COL5A1: variants seen among roughly 807,000 people sequenced by gnomAD.
COL5A1 encodes collagen type V alpha 1 chain, also known as collagen alpha-1(V) chain.
In COL5A1, 16 loss-of-function variants were observed where a neutral mutation model predicts 263.7. The ratio of observed to expected loss-of-function variants is 0.06; its 90% CI spans 0.04 to 0.09. The LOEUF (loss-of-function observed/expected upper bound fraction) is 0.09, where lower values mean the gene tolerates loss of function less well. Among genes scored for constraint, COL5A1 ranks in the 10% least tolerant of loss-of-function variants. The pLI is 1.00. For missense variants in COL5A1, 2,036 were observed against 2,540.5 expected (o/e 0.80, Z 4.27); for synonymous variants, 1,012 against 1,004.5 (o/e 1.01, Z -0.14).
Position 134,728,761 on chromosome 9 carries a change from G to A in COL5A1, c.878G>A (p.Ser293Asn). ...GACCTAGGGAAGGAGCCCACCCCCA[G>A]CAAGAAGCCCGTGGAAGCTGCCAAA... The part of the protein sequence containing the change: ...PEDLGKEPTP[S>N]KKPVEAAKET... The change falls in exon 6 of 66, where the codon AGC (serine) becomes AAC (asparagine). Residue 293 changes from serine (S) to asparagine (N), a missense_variant. Coordinates refer to ENST00000371817, the MANE Select transcript of COL5A1 (RefSeq NM_000093.5). 1.2e-6 allele frequency: 2 copies of A among 1,614,216 alleles called. No individual in the cohort carries two copies. Among genetic ancestry groups the A allele is most frequent in the Non-Finnish European group, 1.7e-6 (2 of 1,180,040 alleles).
intron 65 of COL5A1, among the ~76,000 whole-genome samples, chr9:134,837,014 A>G (rs1839874624): frequency 6.6e-6 from 1 of 152,242 alleles, no homozygotes; most frequent in East Asian, 1.9e-4. Context: ...CCAAATGAGT[A>G]TAACATAGCA....
At position 134,686,982 on chromosome 9, in the gene COL5A1, G is replaced by T. The variant is rs575330582; in HGVS notation, c.110-3930G>T. Among the ~76,000 whole-genome samples, 2 of 152,156 alleles carry T rather than the reference G, an allele frequency of 1.3e-5. No homozygotes were observed. Among genetic ancestry groups the T allele is most frequent in the African/African-American group, 4.8e-5 (2 of 41,436 alleles). On this transcript the variant is annotated intron_variant, in intron 1 of 65. Transcript: ENST00000371817. This position sits in a 1 kb window ranked among gnomAD's most constrained non-coding sequence, Gnocchi z 4.6. ...AGGGAGTCAGGTGGATACAGTCTCC[G>T]GGAGACCCGGCGTGGTGGGGTCAGG...
intron 4 of COL5A1, among the ~76,000 whole-genome samples, chr9:134,726,338 G>A (rs537422484): frequency 3.3e-5 from 5 of 152,094 alleles, no homozygotes; most frequent in South Asian, 4.2e-4. Flanking sequence ...GTAGAGGGAC[G>A]GAGAGATGGA....
intron 4 of COL5A1, among the ~76,000 whole-genome samples, chr9:134,706,681 C>T (rs1026926191): frequency 6.6e-6 from 1 of 152,200 alleles, no homozygotes; most frequent in Non-Finnish European, 1.5e-5. Context: ...GAAGGGATCC[C>T]GGGGACCAGT....
chr9:134,730,726 C>T (rs923810568), intron 7 of COL5A1, among the ~76,000 whole-genome samples: 2 of 152,202 alleles, frequency 1.3e-5, no homozygotes, highest in Non-Finnish European at 2.9e-5. Context: ...CAATTTTTTG[C>T]CTGGAAAATG....
chr9:134,719,990 A>G (rs1235810049), intron 4 of COL5A1, among the ~76,000 whole-genome samples: 1 of 152,078 alleles, frequency 6.6e-6, no homozygotes, highest in Non-Finnish European at 1.5e-5. Flanking sequence ...TGTGGGGACC[A>G]TGGGCCTTTC....
chr9:134,688,541 G>T (rs1315516561), intron 1 of COL5A1, among the ~76,000 whole-genome samples: 13 of 152,214 alleles, frequency 8.5e-5, no homozygotes, highest in Admixed American at 8.5e-4. Context: ...CTTCTTTGCT[G>T]GGGCCAGGTG....
chr9:134,799,245 G>A (rs1256928395), intron 37 of COL5A1, among the ~76,000 whole-genome samples: 1 of 152,188 alleles, frequency 6.6e-6, no homozygotes, highest in Non-Finnish European at 1.5e-5. Flanking sequence ...TCATTTTCCT[G>A]GCCCCATCAG....
In COL5A1 at chr9:134,830,346, C is replaced by T. The variant is rs1839557870; in HGVS notation, c.5136+302C>T. The T allele has an allele frequency of 9.0e-6, 6 of 663,220 alleles. No individual in the cohort carries two copies. In the East Asian group the frequency reaches 1.1e-4, roughly 12 times the overall value. The allele number at this position is 663,220 out of a possible 1,614,324, so 41.1% of individuals were successfully genotyped here. ...CTAGGTGTGGAGTCCTCTCCCCAGC[C>T]CCCGCCACCCTGACAAGAGTGTGTT... On this transcript the variant is annotated intron_variant, in intron 64 of 65. Coordinates refer to ENST00000371817, the MANE Select transcript of COL5A1 (RefSeq NM_000093.5).
chr9:134,687,089 A>G (rs973992744), intron 1 of COL5A1, among the ~76,000 whole-genome samples: 1 of 152,034 alleles, frequency 6.6e-6, no homozygotes, highest in African/African-American at 2.4e-5. Context: ...GCTGCTGCCA[A>G]TGCCGCCTGG....
intron 28 of COL5A1, among the ~76,000 whole-genome samples, chr9:134,780,469 G>A (rs896277481): frequency 6.6e-6 from 1 of 152,204 alleles, no homozygotes; most frequent in African/African-American, 2.4e-5. Flanking sequence ...GGGGCCAGTG[G>A]ACACCTGTCA....
chr9:134,796,130 C>T (rs1046023321), intron 34 of COL5A1, among the ~76,000 whole-genome samples: 1 of 152,226 alleles, frequency 6.6e-6, no homozygotes, highest in African/African-American at 2.4e-5. Context: ...GGAGACTGTT[C>T]TGGAAATGTC....
At chr9:134,735,995 C>T (rs1234561973) in intron 9 of COL5A1, among the ~76,000 whole-genome samples, 7 of 151,374 alleles carry the variant, frequency 4.6e-5, no homozygotes, top group East Asian at 2.0e-4. Flanking sequence ...TGGACATCTG[C>T]GGCCCCCCCA....
rs1019531937 is a variant in COL5A1, at chr9:134,844,800, G to A, written c.*2497G>A. 2 of 152,076 alleles carry A rather than the reference G, an allele frequency of 1.3e-5. No homozygotes were observed. Among genetic ancestry groups the A allele is most frequent in the Non-Finnish European group, 1.5e-5 (1 of 68,040 alleles). 9.4% of individuals were successfully genotyped at this position (152,076 alleles called of 1,614,324 possible). ...TTGTGTAACAAAGGAATAATTAACT[G>A]TAATAGTTTTTCAATAAATCGAGTT... On this transcript the variant is annotated 3_prime_UTR_variant, in exon 66 of 66. Transcript: ENST00000371817.
At chr9:134,784,423 T>C (rs13283715) in intron 29 of COL5A1, among the ~76,000 whole-genome samples, 5,890 of 152,302 alleles carry the variant, frequency 0.039, 157 homozygotes, top group Non-Finnish European at 0.057. Context: ...CCCTCTCCCC[T>C]TTCTGAGCCC....
At chr9:134,691,119 T>G in intron 2 of COL5A1, 40 bp downstream of exon 2, 2 of 1,609,974 alleles carry the variant, frequency 1.2e-6, no homozygotes, top group Non-Finnish European at 1.7e-6. Context: ...GTGGGTCCCG[T>G]TGGCCCTCTG....
rs533398461 is a variant in COL5A1 at position 134,677,967 on chromosome 9, C to G, written c.110-12945C>G. On this transcript the variant is annotated intron_variant, in intron 1 of 65. Transcript: ENST00000371817. This position sits in a 1 kb window ranked among gnomAD's most constrained non-coding sequence, Gnocchi z 4.4. ...ATAGCTTGGGTATGGAGGGCCTCCT[C>G]TCCATGCAAGGCCTCCTATGGTCCT... Among the ~76,000 whole-genome samples, 1 of 152,360 alleles carries G rather than the reference C, an allele frequency of 6.6e-6. No individual in the cohort carries two copies. The highest frequency in any genetic ancestry group is 6.5e-5 in the Admixed American group (1 of 15,308).
chr9:134,758,361 C>A lies in COL5A1; in HGVS notation c.1935+65C>A. ...CAGCAGAGGTGTCTCTCGGGAGGCC[C>A]TTCTCCTTCCAGGCAGCCTCAGATT... On this transcript the variant is annotated intron_variant, in intron 18 of 65. Coordinates refer to ENST00000371817, the MANE Select transcript of COL5A1 (RefSeq NM_000093.5). This position sits in a 1 kb window ranked among gnomAD's most constrained non-coding sequence, Gnocchi z 4.1. The A allele has an allele frequency of 6.6e-7, 1 of 1,526,278 alleles. No homozygotes were observed. The highest frequency in any genetic ancestry group is 1.1e-5 in the South Asian group (1 of 89,278). The allele number at this position is 1,526,278 out of a possible 1,614,324, so 94.5% of individuals were successfully genotyped here.
rs863223451 is a variant in COL5A1, at chr9:134,813,998, G to A, written c.3868G>A (p.Ala1290Thr). 22 of 1,550,966 alleles carry A rather than the reference G, an allele frequency of 1.4e-5. No homozygotes were observed. Among genetic ancestry groups the A allele is most frequent in the East Asian group, 4.9e-5 (2 of 40,952 alleles). ...AVGEKGEPGE[A>T]GEPGLPGEGG... is the part of the protein sequence containing the mutation. ...GTCTCCCTAGGGCGAGCCTGGCGAA[G>A]CAGGTGAGCCTGGCCTTCCGGGAGA... Residue 1290 changes from alanine to threonine, a missense_variant, in exon 49 of 66, where the codon GCA becomes ACA. By Grantham distance (58) the Ala-to-Thr change is moderately conservative (BLOSUM62 0). Coordinates refer to ENST00000371817, the MANE Select transcript of COL5A1 (RefSeq NM_000093.5).
Sources: allele counts gnomAD v4.1 joint callset (sites outside exome capture counted in the v4.1 genomes callset), GRCh38; gene constraint gnomAD v4.1.1; non-coding constraint Gnocchi (gnomAD v3.1); transcripts MANE v1.5; gene names NCBI Gene and HGNC (gene_info 2026-07-23, HGNC 2026-07-21).